CNTN3: variants seen among roughly 807,000 people sequenced by gnomAD.
CNTN3 encodes the protein contactin-3.
CNTN3 carries 60 observed loss-of-function variants against 119.1 expected under a neutral mutation model. The ratio of observed to expected loss-of-function variants is 0.50; its 90% CI spans 0.41 to 0.62. CNTN3 has a LOEUF of 0.62. CNTN3 is among the 20% of genes least tolerant of loss of function. The pLI, the probability that CNTN3 is intolerant of heterozygous loss-of-function variation, is 0.00. For missense variants in CNTN3, 1,101 were observed against 1,242.4 expected (o/e 0.89, Z 1.71); for synonymous variants, 450 against 438.7 (o/e 1.03, Z -0.32).
At chr3:74,598,892 G>A (rs1360595277) in intron 1 of CNTN3, among the ~76,000 whole-genome samples, 2 of 151,842 alleles carry the variant, frequency 1.3e-5, no homozygotes, top group Non-Finnish European at 2.9e-5. Flanking sequence ...GCAAGCAAAA[G>A]GCAAATATAA....
intron 5 of CNTN3, among the ~76,000 whole-genome samples, chr3:74,400,456 T>C (rs1001656861): frequency 9.2e-5 from 14 of 152,190 alleles, no homozygotes; most frequent in African/African-American, 2.9e-4. Flanking sequence ...TTCTTTAGCC[T>C]GCAAAATAAT....
intron 2 of CNTN3, among the ~76,000 whole-genome samples, chr3:74,518,351 G>C (rs1703485773): frequency 6.6e-6 from 1 of 151,896 alleles, no homozygotes; most frequent in African/African-American, 2.4e-5. Context: ...TGCAATAGAG[G>C]GGATGATTTG....
At chr3:74,321,414 C>T (rs72894309) in intron 13 of CNTN3, among the ~76,000 whole-genome samples, 5,162 of 152,046 alleles carry the variant, frequency 0.034, 280 homozygotes, top group African/African-American at 0.11. Context: ...GTCAAAGCTA[C>T]GCCTAGAGGA....
At chr3:74,441,017 C>T (rs984604538) in intron 4 of CNTN3, among the ~76,000 whole-genome samples, 1 of 151,942 alleles carries the variant, frequency 6.6e-6, no homozygotes, top group Non-Finnish European at 1.5e-5. Flanking sequence ...CTGTATTTAC[C>T]CCTAACTTTA....
At chr3:74,343,458 T>G (rs941198009) in intron 11 of CNTN3, among the ~76,000 whole-genome samples, 39 of 152,344 alleles carry the variant, frequency 2.6e-4, no homozygotes, top group African/African-American at 8.9e-4. Context: ...ACTTAGAGAC[T>G]AGAAGCCCTG....
intron 8 of CNTN3, among the ~76,000 whole-genome samples, chr3:74,366,590 T>C (rs1426371645): frequency 6.6e-6 from 1 of 151,836 alleles, no homozygotes; most frequent in Non-Finnish European, 1.5e-5. Context: ...ATCCTCCATA[T>C]GGAGAAACAG....
chr3:74,540,019 G>A (rs1430022006), intron 1 of CNTN3, among the ~76,000 whole-genome samples: 1 of 152,094 alleles, frequency 6.6e-6, no homozygotes, highest in African/African-American at 2.4e-5. Flanking sequence ...CTTCTACAAG[G>A]TTACCACTCC....
At chr3:74,591,353 T>C (rs1380158048) in intron 1 of CNTN3, among the ~76,000 whole-genome samples, 2 of 152,174 alleles carry the variant, frequency 1.3e-5, no homozygotes, top group Non-Finnish European at 2.9e-5. Context: ...AAGCCTTGAA[T>C]GCCAGGTTGG....
At chr3:74,536,973 C>A (rs1703773893) in intron 1 of CNTN3, among the ~76,000 whole-genome samples, 1 of 134,514 alleles carries the variant, frequency 7.4e-6, no homozygotes, top group Non-Finnish European at 1.6e-5. Context: ...ACAATTATTG[C>A]AAACCTGTCA....
At chr3:74,265,165 A>G (rs2106737574) in intron 22 of CNTN3, among the ~76,000 whole-genome samples, 1 of 152,312 alleles carries the variant, frequency 6.6e-6, no homozygotes, top group Non-Finnish European at 1.5e-5. Flanking sequence ...AATATAAAAC[A>G]TAATCTTTTT....
chr3:74,430,219 G>T (rs544373423), intron 4 of CNTN3, among the ~76,000 whole-genome samples: 196 of 152,236 alleles, frequency 1.3e-3, no homozygotes, highest in African/African-American at 4.5e-3. Context: ...ATGTCTAACA[G>T]CCCTAAACTG....
intron 1 of CNTN3, among the ~76,000 whole-genome samples, chr3:74,605,184 T>C (rs978605361): frequency 6.6e-6 from 1 of 152,076 alleles, no homozygotes; most frequent in Admixed American, 6.6e-5. Flanking sequence ...ATACAGAATT[T>C]CTGTTGGACA....
At position 74,521,124 on chromosome 3, in the gene CNTN3, A is replaced by T; in HGVS notation, c.-12T>A. 6.3e-7 allele frequency: 1 copy of T among 1,584,040 alleles called. No homozygotes were observed. The highest frequency in any genetic ancestry group is 8.6e-7 in the Non-Finnish European group (1 of 1,158,784). ...CATGGAAACATCATCTTTAATTGCCAAATGCAAGAGTAACTCTTGTCCAGT... is the reference window on the plus strand; with the variant it reads ...CATGGAAACATCATCTTTAATTGCCTAATGCAAGAGTAACTCTTGTCCAGT... On this transcript the variant is annotated 5_prime_UTR_variant, in exon 2 of 23. Coordinates refer to ENST00000263665, the MANE Select transcript of CNTN3 (RefSeq NM_020872.3).
intron 5 of CNTN3, among the ~76,000 whole-genome samples, chr3:74,409,708 C>T (rs1701406596): frequency 6.6e-6 from 1 of 152,156 alleles, no homozygotes; most frequent in Non-Finnish European, 1.5e-5. Context: ...TCAACTGAGA[C>T]TCACAGGTTA....
chr3:74,373,115 T>C (rs1016385099), intron 5 of CNTN3, among the ~76,000 whole-genome samples: 1 of 152,358 alleles, frequency 6.6e-6, no homozygotes, highest in East Asian at 1.9e-4. Context: ...ATGTGATAAG[T>C]TGTGAGCTCT....
chr3:74,517,376 C>T (rs1461614319), intron 2 of CNTN3, among the ~76,000 whole-genome samples: 1 of 151,860 alleles, frequency 6.6e-6, no homozygotes, highest in African/African-American at 2.4e-5. Context: ...CTCCTTTCTC[C>T]CACTGCAAAG....
At chr3:74,267,501 G>T in intron 20 of CNTN3, 123 bp from the exon 21 acceptor site, 1 of 634,576 alleles carries the variant, frequency 1.6e-6, no homozygotes, top group Non-Finnish European at 2.8e-6. Context: ...GGTAATGCTT[G>T]GTGTAATAGA....
intron 1 of CNTN3, among the ~76,000 whole-genome samples, chr3:74,594,917 T>G (rs1431984127): frequency 1.3e-5 from 2 of 152,074 alleles, no homozygotes; most frequent in Admixed American, 1.3e-4. Flanking sequence ...CCACCAACAG[T>G]GTCAAAGTGT....
chr3:74,343,591 T>C (rs895202814), intron 11 of CNTN3, among the ~76,000 whole-genome samples: 11 of 152,258 alleles, frequency 7.2e-5, no homozygotes, highest in Non-Finnish European at 1.2e-4. Context: ...CCAGAATTGA[T>C]TCCTCATTCT....
Sources: gnomAD v4.1 joint callset for allele counts (sites outside exome capture counted in the v4.1 genomes callset) on GRCh38, gnomAD v4.1.1 for gene constraint, MANE v1.5 for transcripts, NCBI Gene and HGNC (gene_info 2026-07-23, HGNC 2026-07-21) for gene names.